Variants in SPECC1 observed in about 807,000 individuals in gnomAD.
SPECC1 encodes sperm antigen with calponin homology and coiled-coil domains 1, also known as cytospin-B.
Under a neutral mutation model 104.1 loss-of-function variants are expected in SPECC1, and 62 were observed. The ratio of observed to expected loss-of-function variants is 0.60; its 90% CI spans 0.49 to 0.74. The LOEUF (loss-of-function observed/expected upper bound fraction) is 0.74. Among genes scored for constraint, SPECC1 ranks in the 30% least tolerant of loss-of-function variants. The probability of loss-of-function intolerance (pLI) is 0.00; values close to 1 mark genes in which losing one functional copy is unlikely to be tolerated. For missense variants in SPECC1, 1,306 were observed against 1,310.5 expected (o/e 1.00, Z 0.05); for synonymous variants, 513 against 501.6 (o/e 1.02, Z -0.30).
rs566253767 is a variant in SPECC1 at position 20,170,068 on chromosome 17, A to G, written c.284-34265A>G. ...ACACTTATAGGGCTGTCCTTCCACC[A>G]GACCCAGCCTCTGCTGTTCCATTGC... On this transcript the variant is annotated intron_variant, in intron 3 of 14. Coordinates refer to ENST00000395527, the MANE Select transcript of SPECC1 (RefSeq NM_001243439.2). Among the ~76,000 whole-genome samples, 181 of 152,390 alleles carry G rather than the reference A, an allele frequency of 1.2e-3. No individual in the cohort carries two copies. The South Asian group carries it at 0.014, about 12-fold the overall frequency.
At chr17:20,148,547 A>AAAG (rs1231557856) in intron 3 of SPECC1, among the ~76,000 whole-genome samples, 1 of 151,694 alleles carries the variant, frequency 6.6e-6, no homozygotes, top group African/African-American at 2.4e-5. Context: ...GCACTAGAAA[A>AAAG]AAAAAAAAAA....
At chr17:20,262,248 T>C (rs2040053269) in intron 12 of SPECC1, among the ~76,000 whole-genome samples, 1 of 152,230 alleles carries the variant, frequency 6.6e-6, no homozygotes, top group African/African-American at 2.4e-5. Context: ...GGAGCTATTA[T>C]GAATAACGCT....
intron 3 of SPECC1, among the ~76,000 whole-genome samples, chr17:20,202,418 G>C (rs1445065533): frequency 6.6e-6 from 1 of 152,162 alleles, no homozygotes; most frequent in African/African-American, 2.4e-5. Flanking sequence ...AGTGCCACTA[G>C]TGATGCTGGC....
chr17:20,055,237 C>T (rs1364137611), intron 1 of SPECC1, among the ~76,000 whole-genome samples: 1 of 150,228 alleles, frequency 6.7e-6, no homozygotes, highest in Non-Finnish European at 1.5e-5. Context: ...CAAGATTCAT[C>T]CATGCTGTTG....
At chr17:20,181,019 T>TAAC (rs2034846117) in intron 3 of SPECC1, among the ~76,000 whole-genome samples, 1 of 152,008 alleles carries the variant, frequency 6.6e-6, no homozygotes, top group Non-Finnish European at 1.5e-5. Context: ...GAGATGATTA[T>TAAC]AACAACAACA....
At position 20,205,598 on chromosome 17, in the gene SPECC1, GA is replaced by G; in HGVS notation, c.1554del (p.Lys518AsnfsTer2). The part of the protein sequence containing the change: ...EMIKRLKEEN[E>X]KLNEFLELER... ...GATTAAACGTCTGAAGGAAGAAAATGAAAAACTGAATGAGTTTCTAGAACTG... is the reference window on the plus strand; with the variant it reads ...GATTAAACGTCTGAAGGAAGAAAATGAAAACTGAATGAGTTTCTAGAACTG... On this transcript the variant is annotated frameshift_variant, in exon 4 of 15. Transcript: ENST00000395527. LOFTEE classifies it high-confidence loss of function. 6.2e-7 allele frequency: 1 copy of G among 1,614,072 alleles called. No homozygotes were observed.
intron 3 of SPECC1, among the ~76,000 whole-genome samples, chr17:20,180,611 T>C (rs2034813397): frequency 6.6e-6 from 1 of 152,202 alleles, no homozygotes; most frequent in South Asian, 2.1e-4. Flanking sequence ...ATGTGAATTA[T>C]ATGGTGAGAG....
chr17:20,086,295 G>A (rs1245181662), intron 1 of SPECC1, among the ~76,000 whole-genome samples: 1 of 152,144 alleles, frequency 6.6e-6, no homozygotes, highest in East Asian at 1.9e-4. Flanking sequence ...TGATGGCCCT[G>A]TTCCCACCTC....
intron 1 of SPECC1, among the ~76,000 whole-genome samples, chr17:20,027,517 C>T (rs1054391494): frequency 2.0e-5 from 3 of 152,036 alleles, no homozygotes; most frequent in East Asian, 1.9e-4. Flanking sequence ...TGTCCTGAAG[C>T]GTTTTTCCTT....
At chr17:20,253,637 A>G (rs1419881626) in intron 10 of SPECC1, 51 bp downstream of exon 10, 1 of 1,546,408 alleles carries the variant, frequency 6.5e-7, no homozygotes, top group African/African-American at 1.4e-5. Flanking sequence ...CGTGCAGTTA[A>G]CTTTTCTTCA....
chr17:20,213,475 C>T (rs1370455211), intron 4 of SPECC1, among the ~76,000 whole-genome samples: 1 of 152,154 alleles, frequency 6.6e-6, no homozygotes, highest in African/African-American at 2.4e-5. Context: ...TAAAGCAGAC[C>T]TAAGACTAAT....
intron 14 of SPECC1, among the ~76,000 whole-genome samples, chr17:20,310,738 C>G (rs1300783825): frequency 1.3e-5 from 2 of 152,202 alleles, no homozygotes; most frequent in Non-Finnish European, 2.9e-5. Context: ...GGCATGCCCC[C>G]GTGGAGGGAG....
chr17:20,245,476 C>A (rs2039382258), intron 7 of SPECC1, among the ~76,000 whole-genome samples: 1 of 152,082 alleles, frequency 6.6e-6, no homozygotes, highest in South Asian at 2.1e-4. Flanking sequence ...CCCAAAATCC[C>A]AGCTGTAGGA....
chr17:20,027,188 T>A (rs1209584805), intron 1 of SPECC1, among the ~76,000 whole-genome samples: 1 of 152,192 alleles, frequency 6.6e-6, no homozygotes, highest in Non-Finnish European at 1.5e-5. Context: ...ATCAAGACAG[T>A]GTGGTACTGG....
intron 4 of SPECC1, among the ~76,000 whole-genome samples, chr17:20,226,999 C>A (rs986889295): frequency 2.0e-5 from 3 of 151,732 alleles, no homozygotes; most frequent in Non-Finnish European, 4.4e-5. Context: ...GGTGCAGGGC[C>A]AGTGCCTCCC....
In SPECC1 at chr17:20,314,088, ACCATTG is replaced by A; in HGVS notation, c.*27_*32del. ...TAACCCTGGAGGGCCTGGGGCAGCCACCATTGCCACCTACTGCAGCTTTTCCTGGAA... is the reference window on the plus strand; with the variant it reads ...TAACCCTGGAGGGCCTGGGGCAGCCACCACCTACTGCAGCTTTTCCTGGAA... On this transcript the variant is annotated 3_prime_UTR_variant, in exon 15 of 15. Transcript: ENST00000395527. The A allele has an allele frequency of 6.2e-7, 1 of 1,601,332 alleles. No homozygotes were observed. The highest frequency in any genetic ancestry group is 1.1e-5 in the South Asian group (1 of 90,258).
At chr17:20,222,016 G>GTTTT (rs34220423) in intron 4 of SPECC1, among the ~76,000 whole-genome samples, 66 of 140,494 alleles carry the variant, frequency 4.7e-4, no homozygotes, top group Admixed American at 1.3e-3. Context: ...TATGATTTCA[G>GTTTT]TTTTTTTTTT....
intron 3 of SPECC1, among the ~76,000 whole-genome samples, chr17:20,195,590 C>T (rs2151302482): frequency 6.8e-6 from 1 of 148,118 alleles, no homozygotes; most frequent in East Asian, 2.0e-4. Context: ...CGGAGTCTTG[C>T]TCTGTCACCC....
rs577223564 is a variant in SPECC1, at chr17:20,083,360, G to A, written c.-21-13271G>A. On this transcript the variant is annotated intron_variant, in intron 1 of 14. Coordinates refer to ENST00000395527, the MANE Select transcript of SPECC1 (RefSeq NM_001243439.2). ...AGAGAGGACATAGACAAAATGCTTGGAATTTAGAGCAACACCAAATCACAT... is the reference window on the plus strand; with the variant it reads ...AGAGAGGACATAGACAAAATGCTTGAAATTTAGAGCAACACCAAATCACAT... Among the ~76,000 whole-genome samples, 3 of 152,328 alleles carry A rather than the reference G, an allele frequency of 2.0e-5. No individual in the cohort carries two copies. In the South Asian group the frequency reaches 6.2e-4, roughly 32 times the overall value.
Sources: gnomAD v4.1 joint callset for allele counts (sites outside exome capture counted in the v4.1 genomes callset) on GRCh38, gnomAD v4.1.1 for gene constraint, MANE v1.5 for transcripts, NCBI Gene and HGNC (gene_info 2026-07-23, HGNC 2026-07-21) for gene names.